The following CKAP5 variants were observed in gnomAD, a reference collection of about 807,000 sequenced individuals.
CKAP5 encodes the protein cytoskeleton-associated protein 5.
CKAP5 carries 27 observed loss-of-function variants against 232.8 expected under a neutral mutation model. That is an observed-to-expected ratio of 0.12 (90% CI 0.09 to 0.16). CKAP5 has a LOEUF of 0.16. CKAP5 is among the 10% of genes least tolerant of loss of function. The pLI is 1.00. For synonymous variants in CKAP5, 785 were observed against 841.1 expected, an observed-to-expected ratio of 0.93 and a Z score of 1.16; for missense variants, 1,838 against 2,424.7, an observed-to-expected ratio of 0.76 and a Z score of 5.08.
At chr11:46,845,175 T>G (rs1362940942) in intron 1 of CKAP5, among the ~76,000 whole-genome samples, 4 of 152,216 alleles carry the variant, frequency 2.6e-5, no homozygotes, top group Non-Finnish European at 5.9e-5. Flanking sequence ...GAAGGACTTT[T>G]CAGGGTGATG....
chr11:46,762,035 C>T lies in CKAP5; in HGVS notation c.4186G>A (p.Val1396Ile). The stretch of plus-strand genomic sequence containing the variant: ...AGTTTGAACACCTGATCCCCATGTA[C>T]ATTGTACACCGTTACAATGGTGTTG... ...ALNTIVTVYN[V>I]HGDQVFKLIG... The change falls in exon 32 of 44, where the codon GTA (valine) becomes ATA (isoleucine). Residue 1396 changes from valine to isoleucine, a missense_variant. Transcript: ENST00000529230. 7 of 1,614,002 alleles carry T rather than the reference C, an allele frequency of 4.3e-6. No homozygotes were observed. Among genetic ancestry groups the T allele is most frequent in the Non-Finnish European group, 5.9e-6 (7 of 1,179,886 alleles).
At chr11:46,825,401 C>T (rs973457434) in intron 1 of CKAP5, among the ~76,000 whole-genome samples, 3 of 152,168 alleles carry the variant, frequency 2.0e-5, no homozygotes, top group Admixed American at 2.0e-4. Flanking sequence ...TCTCTCTTCC[C>T]TACAACCCAT....
At chr11:46,809,999 T>A in intron 5 of CKAP5, 125 bp from the exon 6 acceptor site, 2 of 912,576 alleles carry the variant, frequency 2.2e-6, no homozygotes, top group Non-Finnish European at 1.6e-6. Flanking sequence ...GGAGACAGAG[T>A]CTTACTCTGT....
intron 31 of CKAP5, chr11:46,762,409 T>A: frequency 1.2e-6 from 1 of 847,552 alleles, no homozygotes; most frequent in Non-Finnish European, 2.0e-6. Flanking sequence ...ATGGCCCCTG[T>A]GCACTTGATT....
intron 4 of CKAP5, among the ~76,000 whole-genome samples, chr11:46,813,859 G>A (rs1480542596): frequency 6.6e-6 from 1 of 152,090 alleles, no homozygotes; most frequent in Non-Finnish European, 1.5e-5. Context: ...TATAGGCCAG[G>A]TGCGGTTGCT....
At chr11:46,793,120 AAACAATCAAATC>A (rs1938780739) in intron 13 of CKAP5, among the ~76,000 whole-genome samples, 1 of 152,240 alleles carries the variant, frequency 6.6e-6, no homozygotes, top group African/African-American at 2.4e-5. Flanking sequence ...ACAGTAAACA[AAACAATCAAATC>A]AACAATAAAA....
At chr11:46,821,011 G>C (rs1939511265) in intron 2 of CKAP5, 164 bp downstream of exon 2, 1 of 539,594 alleles carries the variant, frequency 1.9e-6, no homozygotes, top group Non-Finnish European at 3.2e-6. Flanking sequence ...ATTTTTAGTT[G>C]AGCTACAGAA....
At chr11:46,816,157 G>A in intron 4 of CKAP5, 41 bp downstream of exon 4, 1 of 1,533,268 alleles carries the variant, frequency 6.5e-7, no homozygotes, top group East Asian at 2.2e-5. Context: ...AAAAGGTTGG[G>A]GACTGCTGCT....
intron 1 of CKAP5, among the ~76,000 whole-genome samples, chr11:46,831,594 T>C (rs1260162814): frequency 1.3e-5 from 2 of 152,072 alleles, no homozygotes; most frequent in African/African-American, 4.8e-5. Context: ...GGTGGTGCAA[T>C]AACTGCTCAC....
chr11:46,818,568 T>G, intron 2 of CKAP5, 65 bp from the exon 3 acceptor site: 1 of 1,016,194 alleles, frequency 9.8e-7, no homozygotes, highest in Non-Finnish European at 1.4e-6. Flanking sequence ...ACTATTAATC[T>G]GGGGGGGGAG....
At chr11:46,801,640 A>G (rs1939033009) in intron 8 of CKAP5, among the ~76,000 whole-genome samples, 1 of 152,124 alleles carries the variant, frequency 6.6e-6, no homozygotes, top group African/African-American at 2.4e-5. Context: ...ATTGCACTCC[A>G]GCCTGGGCAA....
intron 1 of CKAP5, among the ~76,000 whole-genome samples, chr11:46,839,412 T>C (rs1364198654): frequency 6.6e-6 from 1 of 152,206 alleles, no homozygotes; most frequent in East Asian, 1.9e-4. Flanking sequence ...GAGGCAAGAA[T>C]AGGAAAATCA....
chr11:46,746,908 C>T (rs2065026796), intron 42 of CKAP5, among the ~76,000 whole-genome samples: 2 of 152,200 alleles, frequency 1.3e-5, no homozygotes, highest in Non-Finnish European at 2.9e-5. Flanking sequence ...GGGGGGATCA[C>T]TTGAGACCAG....
At chr11:46,814,976 G>C (rs1939364614) in intron 4 of CKAP5, among the ~76,000 whole-genome samples, 2 of 152,132 alleles carry the variant, frequency 1.3e-5, no homozygotes, top group Admixed American at 1.3e-4. Context: ...AATACCCTGA[G>C]GAGTAGTTTT....
Position 46,760,236 on chromosome 11 carries a change from C to T in CKAP5, c.4394+376G>A, listed in dbSNP as rs747913107. ...TTGATTCATGGGGTACTTATGGACA[C>T]CCTCTACCCTGATTATAAACTCTAA... On this transcript the variant is annotated intron_variant, in intron 33 of 43. Coordinates refer to ENST00000529230, the MANE Select transcript of CKAP5 (RefSeq NM_001008938.4). 8.0e-5 allele frequency: 26 copies of T among 323,386 alleles called. 1 individual carries two copies. The highest frequency in any genetic ancestry group is 3.9e-4 in the Middle Eastern group (1 of 2,542). 20.0% of individuals were successfully genotyped at this position (323,386 alleles called of 1,614,324 possible).
intron 18 of CKAP5, among the ~76,000 whole-genome samples, chr11:46,781,733 T>TA (rs1370322124): frequency 5.3e-5 from 8 of 152,290 alleles, no homozygotes; most frequent in Non-Finnish European, 5.9e-5. Flanking sequence ...ACTCTTCAAC[T>TA]ACTATATAGA....
intron 26 of CKAP5, among the ~76,000 whole-genome samples, chr11:46,769,563 G>C (rs1316670326): frequency 6.6e-6 from 1 of 151,992 alleles, no homozygotes; most frequent in African/African-American, 2.4e-5. Flanking sequence ...AGGTGTGATG[G>C]CGCATGCCTG....
chr11:46,821,737 T>G (rs919169237), intron 1 of CKAP5, among the ~76,000 whole-genome samples: 12 of 152,022 alleles, frequency 7.9e-5, no homozygotes, highest in African/African-American at 2.9e-4. Context: ...GAATTTTTTT[T>G]TTAAAGTCAC....
intron 37 of CKAP5, 53 bp downstream of exon 37, chr11:46,753,256 TG>T: frequency 7.0e-7 from 1 of 1,418,728 alleles, no homozygotes; most frequent in Non-Finnish European, 9.6e-7. Flanking sequence ...GGTTTCTAAG[TG>T]TAAACAAAAG....
Sources: gnomAD v4.1 joint callset for allele counts (sites outside exome capture counted in the v4.1 genomes callset) on GRCh38, gnomAD v4.1.1 for gene constraint, MANE v1.5 for transcripts, NCBI Gene and HGNC (gene_info 2026-07-23, HGNC 2026-07-21) for gene names.